Variants in NARS2 observed in about 807,000 individuals in gnomAD.
NARS2 encodes the protein asparaginyl-tRNA synthetase 2, mitochondrial, also known as asparaginyl-tRNA synthetase.
Under a neutral mutation model 62.9 loss-of-function variants are expected in NARS2, and 60 were observed. The ratio of observed to expected loss-of-function variants is 0.95; its 90% CI spans 0.77 to 1.18. NARS2 has a LOEUF of 1.18. Ranked by LOEUF, NARS2 falls within the 50% of genes most tolerant of loss-of-function variation. NARS2 has a pLI of 0.00. For missense variants in NARS2, 619 were observed against 576.4 expected (o/e 1.07, Z -0.76); for synonymous variants, 196 against 200.0 (o/e 0.98, Z 0.17).
intron 6 of NARS2, among the ~76,000 whole-genome samples, chr11:78,511,535 G>A (rs1347835935): frequency 1.3e-5 from 2 of 152,118 alleles, no homozygotes; most frequent in Non-Finnish European, 2.9e-5. Flanking sequence ...GGCTAACACA[G>A]TGAAATCCCA....
chr11:78,515,793 A>G (rs748068652), intron 6 of NARS2, among the ~76,000 whole-genome samples: 1 of 152,138 alleles, frequency 6.6e-6, no homozygotes, highest in Non-Finnish European at 1.5e-5. Flanking sequence ...CAAAGCCCTG[A>G]GATTACAGCC....
chr11:78,448,318 A>ATT (rs1857834969), intron 11 of NARS2, among the ~76,000 whole-genome samples: 2 of 131,296 alleles, frequency 1.5e-5, no homozygotes, highest in Admixed American at 7.7e-5. Context: ...GGTAGTAATC[A>ATT]CTTTTTTTTT....
At chr11:78,569,547 C>T (rs2135542618) in intron 2 of NARS2, among the ~76,000 whole-genome samples, 1 of 152,226 alleles carries the variant, frequency 6.6e-6, no homozygotes, top group South Asian at 2.1e-4. Flanking sequence ...TATAGCAATA[C>T]AATAAATTTT....
intron 5 of NARS2, among the ~76,000 whole-genome samples, chr11:78,534,674 A>G (rs527495947): frequency 2.6e-4 from 39 of 152,328 alleles, no homozygotes; most frequent in Non-Finnish European, 5.1e-4. Context: ...ATTAAGAAAT[A>G]TTGGGGCTCC....
At chr11:78,461,964 A>G (rs1314971300) in intron 11 of NARS2, among the ~76,000 whole-genome samples, 6 of 152,094 alleles carry the variant, frequency 3.9e-5, no homozygotes, top group Admixed American at 2.0e-4. Context: ...TAAAAAAAAG[A>G]AAAGAAAGAA....
At chr11:78,513,861 T>C (rs1860808796) in intron 6 of NARS2, among the ~76,000 whole-genome samples, 1 of 152,072 alleles carries the variant, frequency 6.6e-6, no homozygotes, top group South Asian at 2.1e-4. Flanking sequence ...TTCTGGATCA[T>C]AGGGGTGGAT....
chr11:78,455,119 G>C (rs891512965), intron 11 of NARS2, among the ~76,000 whole-genome samples: 1 of 152,006 alleles, frequency 6.6e-6, no homozygotes, highest in African/African-American at 2.4e-5. Flanking sequence ...CTATATGTCA[G>C]GTTAATTTTT....
intron 2 of NARS2, 59 bp downstream of exon 2, chr11:78,571,276 G>A (rs1856911707): frequency 6.6e-6 from 7 of 1,053,606 alleles, no homozygotes; most frequent in Non-Finnish European, 1.0e-5. Flanking sequence ...GTAGGGAAGT[G>A]AGAAGCACTA....
intron 5 of NARS2, among the ~76,000 whole-genome samples, chr11:78,549,613 G>C (rs748045288): frequency 1.2e-4 from 18 of 152,206 alleles, no homozygotes; most frequent in Non-Finnish European, 1.6e-4. Context: ...CGCTGCCCTT[G>C]AAAACTATGT....
intron 11 of NARS2, among the ~76,000 whole-genome samples, chr11:78,444,727 C>CAAAGGAAAA (rs56788561): frequency 3.2e-5 from 3 of 92,418 alleles, no homozygotes; most frequent in Admixed American, 2.1e-4. Context: ...TCAAACAAAA[C>CAAAGGAAAA]AAAAAAAAAA....
intron 5 of NARS2, among the ~76,000 whole-genome samples, chr11:78,556,932 G>A (rs1856375274): frequency 6.6e-6 from 1 of 152,188 alleles, no homozygotes; most frequent in East Asian, 1.9e-4. Context: ...ATCAACTCCT[G>A]CCAACTTACC....
chr11:78,502,142 G>A (rs1198209583), intron 6 of NARS2, among the ~76,000 whole-genome samples: 1 of 152,234 alleles, frequency 6.6e-6, no homozygotes, highest in Non-Finnish European at 1.5e-5. Context: ...ACAGAAAGCA[G>A]AAAGTGGTTG....
intron 4 of NARS2, among the ~76,000 whole-genome samples, chr11:78,562,031 TCAAAAAACAAAAAA>T (rs60769770): frequency 1.4e-3 from 204 of 151,094 alleles, no homozygotes; most frequent in South Asian, 9.4e-3. Context: ...CGAGACTCTG[TCAAAAAACAAAAAA>T]CAAAAAACAA....
rs112949973 is a variant in NARS2, at chr11:78,566,222, T to C, written c.423A>G (p.Gln141=). 1.1e-3 allele frequency: 1,847 copies of C among 1,612,216 alleles called. 12 individuals are homozygous for C. The African/African-American group carries it at 0.021, about 19-fold the overall frequency. ...TAGTCCTACACCTAAAGTGAGGATA[T>C]TGTCGCAGATACTCCAGAGGATGCC... ...KERHPLEYLR[Q]YPHFRCRTNV... is the part of the protein sequence containing the mutation. Residue 141 remains glutamine (Q), a synonymous_variant, in exon 4 of 14, where the codon CAA becomes CAG. Coordinates refer to ENST00000281038, the MANE Select transcript of NARS2 (RefSeq NM_024678.6).
chr11:78,568,059 A>T (rs1008322518), intron 3 of NARS2, among the ~76,000 whole-genome samples: 1 of 152,268 alleles, frequency 6.6e-6, no homozygotes, highest in Admixed American at 6.5e-5. Flanking sequence ...GTCTTAATAC[A>T]GAATTTCTTG....
At chr11:78,461,573 T>C (rs1441602598) in intron 11 of NARS2, among the ~76,000 whole-genome samples, 2 of 118,634 alleles carry the variant, frequency 1.7e-5, no homozygotes, top group Non-Finnish European at 3.3e-5. Flanking sequence ...GAAGTAGGAG[T>C]ATAGAATGAG....
intron 12 of NARS2, among the ~76,000 whole-genome samples, chr11:78,442,682 T>C (rs532986504): frequency 6.6e-6 from 1 of 152,090 alleles, no homozygotes; most frequent in Non-Finnish European, 1.5e-5. Context: ...GGAAAACAGG[T>C]ATGGTTAGTT....
chr11:78,496,130 AAC>A (rs111489136), intron 6 of NARS2, among the ~76,000 whole-genome samples: 2,808 of 152,280 alleles, frequency 0.018, 81 homozygotes, highest in African/African-American at 0.062. Flanking sequence ...CCTCTAAAGT[AAC>A]AGAGTGATAA....
intron 5 of NARS2, among the ~76,000 whole-genome samples, chr11:78,529,745 T>C (rs1286120191): frequency 6.6e-6 from 1 of 152,218 alleles, no homozygotes. Flanking sequence ...AGGCTGGTCT[T>C]GATCTTCTGG....
Sources: allele counts gnomAD v4.1 joint callset (sites outside exome capture counted in the v4.1 genomes callset), GRCh38; gene constraint gnomAD v4.1.1; transcripts MANE v1.5; gene names NCBI Gene and HGNC (gene_info 2026-07-23, HGNC 2026-07-21).